The following GPHN variants were observed in gnomAD, a reference collection of about 807,000 sequenced individuals.
The protein encoded by GPHN is gephyrin.
Under a neutral mutation model 95.5 loss-of-function variants are expected in GPHN, and 17 were observed. The observed-to-expected ratio is 0.18, with a 90% CI of 0.12 to 0.27. GPHN has a LOEUF of 0.27. Ranked by LOEUF, GPHN falls within the 10% of genes least tolerant of loss-of-function variation. The pLI is 1.00. For synonymous variants in GPHN, 320 were observed against 322.5 expected, an observed-to-expected ratio of 0.99 and a Z score of 0.08; for missense variants, 660 against 978.1, an observed-to-expected ratio of 0.67 and a Z score of 4.34.
chr14:67,615,400 G>A, the GPHN span: 1 of 170,634 alleles, frequency 5.9e-6, no homozygotes, highest in East Asian at 1.5e-4. Flanking sequence ...AGTACATTGA[G>A]CTCCATAAAG....
At chr14:67,065,617 C>G (rs2076018264) in intron 11 of GPHN, among the ~76,000 whole-genome samples, 1 of 151,810 alleles carries the variant, frequency 6.6e-6, no homozygotes, top group South Asian at 2.1e-4. Flanking sequence ...GTGCTCCTGT[C>G]TTGGGTGCAT....
intron 2 of GPHN, among the ~76,000 whole-genome samples, chr14:66,710,167 CTTAG>C (rs1024277968): frequency 2.0e-5 from 3 of 152,094 alleles, no homozygotes; most frequent in African/African-American, 4.8e-5. Context: ...ACCCTGGGTT[CTTAG>C]TTATTCATAT....
chr14:67,725,997 G>T, the GPHN span: 1 of 1,199,830 alleles, frequency 8.3e-7, no homozygotes, highest in South Asian at 1.2e-5. Flanking sequence ...GTCTGTTACA[G>T]GCAGCTAGGG....
chr14:67,655,300 C>G, the GPHN span, among the ~76,000 whole-genome samples: 1 of 152,112 alleles, frequency 6.6e-6, no homozygotes, highest in African/African-American at 2.4e-5. Flanking sequence ...GCACTCCAGC[C>G]TGGGTGACAG....
At chr14:66,864,784 G>A (rs2063165875) in intron 4 of GPHN, among the ~76,000 whole-genome samples, 1 of 149,324 alleles carries the variant, frequency 6.7e-6, no homozygotes, top group African/African-American at 2.5e-5. Context: ...AAAAAAAAAA[G>A]TGGAACTCAG....
intron 8 of GPHN, among the ~76,000 whole-genome samples, chr14:66,944,263 G>T (rs966478645): frequency 1.3e-5 from 2 of 152,210 alleles, no homozygotes; most frequent in Non-Finnish European, 2.9e-5. Context: ...GGCGGTTCAT[G>T]GAGGGGAAGA....
chr14:66,966,827 A>T (rs1229111920), intron 9 of GPHN, among the ~76,000 whole-genome samples: 1 of 151,994 alleles, frequency 6.6e-6, no homozygotes, highest in African/African-American at 2.4e-5. Flanking sequence ...ATTTTATGCT[A>T]AATTTAATTA....
the GPHN span, among the ~76,000 whole-genome samples, chr14:67,716,875 C>T: frequency 6.9e-6 from 1 of 144,578 alleles, no homozygotes; most frequent in South Asian, 2.2e-4. Flanking sequence ...CAGAGTGAGT[C>T]TCTGTCAAAA....
the GPHN span, among the ~76,000 whole-genome samples, chr14:67,563,706 T>C: frequency 1.3e-5 from 2 of 151,434 alleles, no homozygotes; most frequent in Non-Finnish European, 2.9e-5. Flanking sequence ...GTGCTGGGAT[T>C]GTAAGTATGA....
chr14:67,402,062 C>T, the GPHN span, among the ~76,000 whole-genome samples: 2 of 152,066 alleles, frequency 1.3e-5, no homozygotes, highest in African/African-American at 4.8e-5. Context: ...ACTCAGGAGG[C>T]GGAGTTTGCA....
chr14:67,409,828 A>G, the GPHN span, among the ~76,000 whole-genome samples: 1 of 152,158 alleles, frequency 6.6e-6, no homozygotes, highest in Admixed American at 6.5e-5. Context: ...ACAGCCTGCA[A>G]CTTCTCCAGT....
At chr14:67,192,244 C>T in the GPHN span, among the ~76,000 whole-genome samples, 158 of 152,226 alleles carry the variant, frequency 1.0e-3, no homozygotes, top group African/African-American at 3.5e-3. Flanking sequence ...AATACACAAT[C>T]GTGATAGAAT....
chr14:67,037,237 A>T (rs2074465431), intron 10 of GPHN, among the ~76,000 whole-genome samples: 1 of 152,046 alleles, frequency 6.6e-6, no homozygotes, highest in African/African-American at 2.4e-5. Flanking sequence ...CTCTTTGCAA[A>T]AGAACGAAGA....
At chr14:66,756,328 A>C (rs772113638) in intron 2 of GPHN, among the ~76,000 whole-genome samples, 1 of 152,076 alleles carries the variant, frequency 6.6e-6, no homozygotes, top group Non-Finnish European at 1.5e-5. Flanking sequence ...TTTGTTGCTC[A>C]CAGTAATCCT....
At chr14:67,665,504 G>A in the GPHN span, among the ~76,000 whole-genome samples, 2 of 152,046 alleles carry the variant, frequency 1.3e-5, no homozygotes, top group South Asian at 2.1e-4. Flanking sequence ...CTGGGCTCAG[G>A]CAATCCTCGA....
chr14:67,713,669 G>A, the GPHN span, among the ~76,000 whole-genome samples: 13 of 152,206 alleles, frequency 8.5e-5, no homozygotes, highest in Non-Finnish European at 1.8e-4. Context: ...CAGTTAATTT[G>A]TAAAGTTTAT....
chr14:67,216,694 T>C, the GPHN span, among the ~76,000 whole-genome samples: 5 of 152,328 alleles, frequency 3.3e-5, no homozygotes, highest in Admixed American at 6.5e-5. Flanking sequence ...TTAATTTTTA[T>C]GTATTGTATA....
intron 8 of GPHN, among the ~76,000 whole-genome samples, chr14:66,947,462 A>G (rs1338097900): frequency 6.6e-6 from 1 of 152,218 alleles, no homozygotes; most frequent in Non-Finnish European, 1.5e-5. Flanking sequence ...TGAGGACATG[A>G]GTCACATCTC....
chr14:67,123,883 G>T (rs866805132), intron 17 of GPHN, among the ~76,000 whole-genome samples: 5 of 151,992 alleles, frequency 3.3e-5, no homozygotes, highest in Middle Eastern at 3.4e-3. Flanking sequence ...TTCTGATGTG[G>T]CCCAGGAAAG....
Sources: gnomAD v4.1 joint callset for allele counts (sites outside exome capture counted in the v4.1 genomes callset) on GRCh38, gnomAD v4.1.1 for gene constraint, MANE v1.5 for transcripts, NCBI Gene and HGNC (gene_info 2026-07-23, HGNC 2026-07-21) for gene names.